The following KLHL22 variants were observed in gnomAD, a reference collection of about 807,000 sequenced individuals.
KLHL22 encodes kelch like family member 22, also known as kelch-like protein 22.
A neutral mutation model predicts 60.7 loss-of-function variants in KLHL22; 18 were observed. The ratio of observed to expected loss-of-function variants is 0.30; its 90% CI spans 0.20 to 0.44. The LOEUF is 0.44. Among genes scored for constraint, KLHL22 ranks in the 20% least tolerant of loss-of-function variants. The probability of loss-of-function intolerance (pLI) is 1.00; values close to 1 mark genes in which losing one functional copy is unlikely to be tolerated. For missense variants in KLHL22, 596 were observed against 852.3 expected (o/e 0.70, Z 3.74); for synonymous variants, 355 against 354.5 (o/e 1.00, Z -0.01).
At chr22:20,479,033 G>C (rs111256103) in intron 2 of KLHL22, among the ~76,000 whole-genome samples, 21 of 151,586 alleles carry the variant, frequency 1.4e-4, no homozygotes, top group African/African-American at 5.1e-4. Context: ...GGAGGCTGAG[G>C]AACAAGAATT....
chr22:20,469,826 AATG>A (rs1161848222), intron 3 of KLHL22, among the ~76,000 whole-genome samples: 3 of 151,800 alleles, frequency 2.0e-5, no homozygotes, highest in Non-Finnish European at 4.4e-5. Flanking sequence ...GAAAGGTCAG[AATG>A]ATGAACTTAG....
At chr22:20,489,567 A>G (rs1289540746) in intron 1 of KLHL22, among the ~76,000 whole-genome samples, 1 of 152,190 alleles carries the variant, frequency 6.6e-6, no homozygotes, top group African/African-American at 2.4e-5. Flanking sequence ...GACTTACAAC[A>G]TGACCAAACT....
intron 4 of KLHL22, among the ~76,000 whole-genome samples, chr22:20,462,154 G>A (rs1455686124): frequency 3.3e-5 from 5 of 151,416 alleles, no homozygotes; most frequent in East Asian, 1.9e-4. Context: ...GTCGGCGCCT[G>A]TAATCCCAGC....
chr22:20,456,864 C>A (rs1175708041), intron 5 of KLHL22, among the ~76,000 whole-genome samples: 2 of 152,220 alleles, frequency 1.3e-5, no homozygotes, highest in East Asian at 3.8e-4. Context: ...TGGAAAGAGG[C>A]TTACAAAGGC....
intron 2 of KLHL22, among the ~76,000 whole-genome samples, chr22:20,486,558 C>T (rs1043352210): frequency 1.3e-5 from 2 of 152,290 alleles, no homozygotes; most frequent in South Asian, 4.1e-4. Context: ...TCAAATATTA[C>T]AAGCCTCTCA....
intron 5 of KLHL22, among the ~76,000 whole-genome samples, chr22:20,455,338 T>C (rs1406772348): frequency 6.6e-6 from 1 of 152,210 alleles, no homozygotes; most frequent in Non-Finnish European, 1.5e-5. Context: ...GACCACGCAA[T>C]GACCCAGGGC....
intron 5 of KLHL22, chr22:20,451,135 C>T (rs1353803388): frequency 5.2e-6 from 8 of 1,540,938 alleles, no homozygotes; most frequent in East Asian, 2.2e-5. Context: ...CTGTGATGGT[C>T]GTTCCAGCCT....
intron 4 of KLHL22, 138 bp from the exon 5 acceptor site, chr22:20,458,138 G>T: frequency 1.2e-6 from 1 of 844,238 alleles, no homozygotes; most frequent in Non-Finnish European, 1.8e-6. Flanking sequence ...ACATACCAGT[G>T]CACACCGATC....
rs141724733 is a variant in KLHL22, at chr22:20,475,841, C to T, written c.228-4326G>A. 6.4e-3 allele frequency among the ~76,000 whole-genome samples: 982 copies of T among 152,306 alleles called. 5 individuals are homozygous for T. The highest frequency in any genetic ancestry group is 0.037 in the Middle Eastern group (11 of 294). On this transcript the variant is annotated intron_variant, in intron 2 of 6. Coordinates refer to ENST00000328879, the MANE Select transcript of KLHL22 (RefSeq NM_032775.4). Reference sequence around the variant, plus strand: ...GCTCCCAAAGTGCTGGGATTACAGGCGTGAGTCACCGCACCCAGCCCCTTC... The same window carrying T: ...GCTCCCAAAGTGCTGGGATTACAGGTGTGAGTCACCGCACCCAGCCCCTTC...
intron 2 of KLHL22, among the ~76,000 whole-genome samples, chr22:20,477,351 A>T (rs2053431454): frequency 6.6e-6 from 1 of 152,016 alleles, no homozygotes; most frequent in Non-Finnish European, 1.5e-5. Flanking sequence ...ATATCGCACC[A>T]CTACTCTGTG....
intron 2 of KLHL22, chr22:20,483,671 C>A: frequency 1.4e-6 from 1 of 731,868 alleles, no homozygotes. Context: ...CGGGCGTTGT[C>A]CACAGTATTT....
chr22:20,492,467 C>T lies in KLHL22; in HGVS notation c.-33-3223G>A, dbSNP rs536626288. On this transcript the variant is annotated intron_variant, in intron 1 of 6. Transcript: ENST00000328879. ...GGGATACCTGTCATCCCCTGAACAC[C>T]TTTAGTCACCCATCTAGGCCATTCT... Among the ~76,000 whole-genome samples the T allele has an allele frequency of 3.3e-4, 50 of 152,290 alleles. 1 individual carries two copies. In the South Asian group the frequency reaches 0.01, roughly 31 times the overall value.
rs759706677 is a variant in KLHL22 at position 20,471,460 on chromosome 22, C to T, written c.283G>A (p.Gly95Ser). Residue 95 changes from glycine (G) to serine (S), a missense_variant, in exon 3 of 7, where the codon GGT becomes AGT. Transcript: ENST00000328879. ...TGGCACATAGCATTGTAGGACACAC[C>T]GTGGATCAGGACCTCTTCCTGTTCC... ...EMEQEEVLIHGVSYNAMCQIL... is the reference protein window; with the variant it reads ...EMEQEEVLIHSVSYNAMCQIL... 11 of 1,614,174 alleles carry T rather than the reference C, an allele frequency of 6.8e-6. No individual in the cohort carries two copies. The highest frequency in any genetic ancestry group is 1.1e-5 in the South Asian group (1 of 91,086).
In KLHL22 at chr22:20,442,265, G is replaced by A. The variant is rs1193499714; in HGVS notation, c.1713C>T (p.Asp571=). 1 of 1,613,832 alleles carries A rather than the reference G, an allele frequency of 6.2e-7. No individual in the cohort carries two copies. The highest frequency in any genetic ancestry group is 8.5e-7 in the Non-Finnish European group (1 of 1,179,942). The change falls in exon 7 of 7, where the codon GAC becomes GAT. Residue 571 remains aspartate (D), a synonymous_variant. Transcript: ENST00000328879. The stretch of plus-strand genomic sequence containing the variant: ...CCAGCTGGGGCCCTTCCTCCCAGCA[G>A]TCCTTCTCCACATCGTAAATGTGCA... ...GYVHIYDVEK[D]CWEEGPQLDN...
chr22:20,484,885 G>A (rs934000581), intron 2 of KLHL22, among the ~76,000 whole-genome samples: 3 of 151,734 alleles, frequency 2.0e-5, no homozygotes, highest in African/African-American at 4.8e-5. Flanking sequence ...TATAGGCCAC[G>A]CCACCATGCC....
intron 5 of KLHL22, chr22:20,451,693 G>A: frequency 6.3e-7 from 1 of 1,597,638 alleles, no homozygotes; most frequent in Non-Finnish European, 8.6e-7. Context: ...CTATGCAATT[G>A]CAGGATATGA....
intron 4 of KLHL22, among the ~76,000 whole-genome samples, chr22:20,461,262 A>T (rs1467886399): frequency 6.6e-6 from 1 of 152,338 alleles, no homozygotes; most frequent in Non-Finnish European, 1.5e-5. Flanking sequence ...TGTTAAATTC[A>T]TTAGACTGTG....
chr22:20,446,712 G>A (rs1426451750), intron 5 of KLHL22, 36 bp from the exon 6 acceptor site: 1 of 1,552,176 alleles, frequency 6.4e-7, no homozygotes, highest in Admixed American at 1.7e-5. Context: ...GCGTGAGAGG[G>A]CAGTGAGGAA....
At chr22:20,488,729 GAGAAAAGGAAA>G in intron 2 of KLHL22, 2 of 565,186 alleles carry the variant, frequency 3.5e-6, no homozygotes, top group Non-Finnish European at 6.3e-6. Flanking sequence ...AGAAAAGAGA[GAGAAAAGGAAA>G]AGAAAAGGAA....
Sources: gnomAD v4.1 joint callset for allele counts (sites outside exome capture counted in the v4.1 genomes callset) on GRCh38, gnomAD v4.1.1 for gene constraint, MANE v1.5 for transcripts, NCBI Gene and HGNC (gene_info 2026-07-23, HGNC 2026-07-21) for gene names.